The following KSR1 variants were observed in gnomAD, a reference collection of about 807,000 sequenced individuals.
KSR1 encodes kinase suppressor of ras 1.
Under a neutral mutation model 92.9 loss-of-function variants are expected in KSR1, and 35 were observed. The ratio of observed to expected loss-of-function variants is 0.38; its 90% CI spans 0.29 to 0.50. KSR1 has a LOEUF of 0.50. Among genes scored for constraint, KSR1 ranks in the 20% least tolerant of loss-of-function variants. The pLI, the probability that KSR1 is intolerant of heterozygous loss-of-function variation, is 0.94. For synonymous variants in KSR1, 467 were observed against 472.6 expected (o/e 0.99, Z 0.15); for missense variants, 972 against 1,158.5 (o/e 0.84, Z 2.34).
intron 1 of KSR1, among the ~76,000 whole-genome samples, chr17:27,549,624 G>C (rs182758198): frequency 6.6e-6 from 1 of 152,204 alleles, no homozygotes; most frequent in Non-Finnish European, 1.5e-5. Context: ...AAAATACACA[G>C]ACTTGCATAT....
chr17:27,612,270 G>A (rs1223310691), intron 18 of KSR1, among the ~76,000 whole-genome samples: 1 of 152,224 alleles, frequency 6.6e-6, no homozygotes, highest in Admixed American at 6.5e-5. Context: ...TGCTTATTCA[G>A]GGAGGTAAAG....
Position 27,577,047 on chromosome 17 carries a change from T to TG in KSR1, c.373-444dup, listed in dbSNP as rs2072535493. On this transcript the variant is annotated intron_variant, in intron 2 of 20. Coordinates refer to ENST00000644974, the MANE Select transcript of KSR1 (RefSeq NM_001394583.1). This position sits in a 1 kb window ranked among gnomAD's most constrained non-coding sequence, Gnocchi z 4.5. Reference sequence around the variant, plus strand: ...TCTGCAGTGTTTGGTGAGGTTTTTTTGTTTTTTTTTTTTAAATCCTTCCTT... The same window carrying TG: ...TCTGCAGTGTTTGGTGAGGTTTTTTTGGTTTTTTTTTTTTAAATCCTTCCTT... Among the ~76,000 whole-genome samples, 1 of 99,980 alleles carries TG rather than the reference T, an allele frequency of 1.0e-5. No homozygotes were observed. The highest frequency in any genetic ancestry group is 3.5e-5 in the African/African-American group (1 of 28,626). 65.6% of individuals were successfully genotyped at this position (99,980 alleles called of 152,430 possible). A position where few individuals can be genotyped will look rare whatever the true frequency, so the allele number is the denominator to read the frequency against.
chr17:27,513,883 T>C (rs2151006708), intron 1 of KSR1, among the ~76,000 whole-genome samples: 1 of 152,288 alleles, frequency 6.6e-6, no homozygotes, highest in Non-Finnish European at 1.5e-5. Context: ...CTCAACCCCT[T>C]TAATCTTTGG....
At position 27,623,887 on chromosome 17, in the gene KSR1, A is replaced by G. The variant is rs973726097; in HGVS notation, c.*495A>G. 3.7e-5 allele frequency: 16 copies of G among 431,334 alleles called. No homozygotes were observed. Among genetic ancestry groups the G allele is most frequent in the Middle Eastern group, 5.8e-4 (1 of 1,728 alleles). 26.7% of individuals were successfully genotyped at this position (431,334 alleles called of 1,614,324 possible). Reference sequence around the variant, plus strand: ...GCCCAAGACTCCATCAGGGAAATCTATCTAGGGCTCTCCCCTTGTCCTTTC... The same window carrying G: ...GCCCAAGACTCCATCAGGGAAATCTGTCTAGGGCTCTCCCCTTGTCCTTTC... On this transcript the variant is annotated 3_prime_UTR_variant, in exon 21 of 21. Transcript: ENST00000644974.
Position 27,623,435 on chromosome 17 carries a change from A to G in KSR1, c.*43A>G, listed in dbSNP as rs369641062. The stretch of plus-strand genomic sequence containing the variant: ...CGCTGCTGATCTCTTTCTTTTTAAA[A>G]TGTGTTTCTGAAACATCCCAACAAC... On this transcript the variant is annotated 3_prime_UTR_variant, in exon 21 of 21. Coordinates refer to ENST00000644974, the MANE Select transcript of KSR1 (RefSeq NM_001394583.1). 3.3e-4 allele frequency: 247 copies of G among 741,120 alleles called. No individual in the cohort carries two copies. The East Asian group carries it at 4.2e-3, about 13-fold the overall frequency. The allele number at this position is 741,120 out of a possible 1,614,324, so 45.9% of individuals were successfully genotyped here.
chr17:27,526,831 CG>C, intron 1 of KSR1: 3 of 774,596 alleles, frequency 3.9e-6, no homozygotes, highest in South Asian at 1.7e-5. Context: ...GCTCCTCCTC[CG>C]GGGGGAGGGG....
chr17:27,618,227 C>T lies in KSR1; in HGVS notation c.2627+799C>T, dbSNP rs377310375. On this transcript the variant is annotated intron_variant, in intron 19 of 20. Coordinates refer to ENST00000644974, the MANE Select transcript of KSR1 (RefSeq NM_001394583.1). ...AGAAGCTCTCTCCCTCCTGGTTTAA[C>T]ACACAGCCCTTTGCACCCCTTGGTG... Among the ~76,000 whole-genome samples, 336 of 152,292 alleles carry T rather than the reference C, an allele frequency of 2.2e-3. 1 individual carries two copies. The highest frequency in any genetic ancestry group is 7.9e-3 in the African/African-American group (328 of 41,558).
At chr17:27,534,889 A>G (rs749856566) in intron 1 of KSR1, among the ~76,000 whole-genome samples, 8 of 152,206 alleles carry the variant, frequency 5.3e-5, no homozygotes, top group South Asian at 2.1e-4. Context: ...CCTACATCCC[A>G]TATCTCCTTC....
At chr17:27,613,517 C>T (rs1405839598) in intron 18 of KSR1, among the ~76,000 whole-genome samples, 4 of 152,242 alleles carry the variant, frequency 2.6e-5, no homozygotes, top group African/African-American at 7.2e-5. Flanking sequence ...CTGCATAAGG[C>T]GCGAATTCCT....
At chr17:27,611,975 A>G (rs913113999) in intron 18 of KSR1, among the ~76,000 whole-genome samples, 5 of 152,206 alleles carry the variant, frequency 3.3e-5, no homozygotes, top group African/African-American at 1.2e-4. Flanking sequence ...TAAAAAAATC[A>G]CTGCTGAAAA....
intron 1 of KSR1, chr17:27,527,197 A>C: frequency 4.1e-6 from 1 of 245,464 alleles, no homozygotes; most frequent in Admixed American, 4.5e-5. Context: ...AGTATTTGGC[A>C]GGTTTTATAA....
At chr17:27,485,212 C>T (rs1293371635) in intron 1 of KSR1, among the ~76,000 whole-genome samples, 1 of 152,240 alleles carries the variant, frequency 6.6e-6, no homozygotes, top group East Asian at 1.9e-4. Flanking sequence ...TGAGTCATCT[C>T]CTGGGTTGTC....
At chr17:27,501,138 A>G (rs769095878) in intron 1 of KSR1, among the ~76,000 whole-genome samples, 6 of 152,018 alleles carry the variant, frequency 3.9e-5, no homozygotes, top group Non-Finnish European at 8.8e-5. Flanking sequence ...CTCCTTTCAT[A>G]CATTGTTTCA....
intron 1 of KSR1, among the ~76,000 whole-genome samples, chr17:27,466,486 C>T (rs1321621278): frequency 6.6e-6 from 1 of 152,186 alleles, no homozygotes; most frequent in Non-Finnish European, 1.5e-5. Flanking sequence ...GCACTTCCTG[C>T]CTCCTCCTGG....
chr17:27,511,066 T>C (rs754898670), intron 1 of KSR1, among the ~76,000 whole-genome samples: 1 of 152,230 alleles, frequency 6.6e-6, no homozygotes, highest in Non-Finnish European at 1.5e-5. Flanking sequence ...AAAAACAGTC[T>C]AGAAGCTCTA....
intron 1 of KSR1, among the ~76,000 whole-genome samples, chr17:27,495,228 G>T (rs1004499377): frequency 6.6e-6 from 1 of 152,210 alleles, no homozygotes; most frequent in Admixed American, 6.5e-5. Flanking sequence ...GGTATATGCA[G>T]CGGCTGCTCC....
chr17:27,531,374 C>T (rs2070530989), intron 1 of KSR1, among the ~76,000 whole-genome samples: 1 of 152,244 alleles, frequency 6.6e-6, no homozygotes. Flanking sequence ...ACGGGGAGGC[C>T]ACGCCTTTGA....
At chr17:27,502,182 G>C (rs2069214678) in intron 1 of KSR1, among the ~76,000 whole-genome samples, 2 of 152,244 alleles carry the variant, frequency 1.3e-5, no homozygotes, top group Admixed American at 1.3e-4. Context: ...TTCCAAGCCA[G>C]GTCTGCTGAT....
chr17:27,462,096 A>G (rs2019478048), intron 1 of KSR1, among the ~76,000 whole-genome samples: 1 of 152,242 alleles, frequency 6.6e-6, no homozygotes, highest in Non-Finnish European at 1.5e-5. Context: ...TAGAGAGGGC[A>G]GACACAGATG....
Sources: gnomAD v4.1 joint callset for allele counts (sites outside exome capture counted in the v4.1 genomes callset) on GRCh38, gnomAD v4.1.1 for gene constraint, Gnocchi (gnomAD v3.1) non-coding constraint, MANE v1.5 for transcripts, NCBI Gene and HGNC (gene_info 2026-07-23, HGNC 2026-07-21) for gene names.